The following PIK3C2G variants were observed in gnomAD, a reference collection of about 807,000 sequenced individuals.
The protein encoded by PIK3C2G is phosphatidylinositol 3-kinase C2 domain-containing subunit gamma.
In PIK3C2G, 168 loss-of-function variants were observed where a neutral mutation model predicts 181.1. The ratio of observed to expected loss-of-function variants is 0.93; its 90% CI spans 0.82 to 1.05. The LOEUF (loss-of-function observed/expected upper bound fraction) is 1.05, where lower values mean the gene tolerates loss of function less well. Among genes scored for constraint, PIK3C2G ranks in the 50% least tolerant of loss-of-function variants. The pLI is 0.00. For missense variants in PIK3C2G, 1,869 were observed against 1,732.8 expected, an observed-to-expected ratio of 1.08 and a Z score of -1.40; for synonymous variants, 573 against 592.2, an observed-to-expected ratio of 0.97 and a Z score of 0.47.
chr12:18,715,223 G>C, the PIK3C2G span, among the ~76,000 whole-genome samples: 3 of 114,328 alleles, frequency 2.6e-5, no homozygotes, highest in Non-Finnish European at 5.2e-5. Flanking sequence ...GAGAGAGAGA[G>C]ACCTTATATA....
At chr12:18,316,713 G>A (rs189540798) in intron 6 of PIK3C2G, among the ~76,000 whole-genome samples, 232 of 152,114 alleles carry the variant, frequency 1.5e-3, no homozygotes, top group African/African-American at 5.4e-3. Flanking sequence ...CTGGGTGACA[G>A]AGCGAGACTC....
At chr12:18,716,049 G>A in the PIK3C2G span, among the ~76,000 whole-genome samples, 1 of 151,954 alleles carries the variant, frequency 6.6e-6, no homozygotes, top group Non-Finnish European at 1.5e-5. Flanking sequence ...CTTGGCTTAC[G>A]GATTTATTTA....
At chr12:18,329,975 G>T (rs905228064) in intron 8 of PIK3C2G, among the ~76,000 whole-genome samples, 1 of 151,782 alleles carries the variant, frequency 6.6e-6, no homozygotes, top group Non-Finnish European at 1.5e-5. Context: ...CTATTCAATT[G>T]CCCTCTTTCA....
chr12:18,702,564 C>G, the PIK3C2G span, among the ~76,000 whole-genome samples: 5,457 of 152,198 alleles, frequency 0.036, 136 homozygotes, highest in East Asian at 0.083. Context: ...TCAAATTATT[C>G]CATCATCTTG....
At chr12:18,506,337 G>A (rs1941836033) in intron 24 of PIK3C2G, among the ~76,000 whole-genome samples, 1 of 152,140 alleles carries the variant, frequency 6.6e-6, no homozygotes, top group African/African-American at 2.4e-5. Context: ...GGCATATAGA[G>A]TGTGGCTTTT....
chr12:18,620,088 T>G (rs1446330953), intron 31 of PIK3C2G, among the ~76,000 whole-genome samples: 3 of 152,130 alleles, frequency 2.0e-5, no homozygotes, highest in Non-Finnish European at 4.4e-5. Context: ...TTGGTAAATA[T>G]CCCATGTCCA....
At chr12:18,687,435 G>A in the PIK3C2G span, among the ~76,000 whole-genome samples, 2 of 152,092 alleles carry the variant, frequency 1.3e-5, no homozygotes, top group East Asian at 1.9e-4. Context: ...ATCCTGACCA[G>A]GGATCAATCC....
At chr12:18,394,496 A>C (rs2138076152) in intron 15 of PIK3C2G, among the ~76,000 whole-genome samples, 1 of 152,202 alleles carries the variant, frequency 6.6e-6, no homozygotes, top group Middle Eastern at 3.4e-3. Flanking sequence ...GGTTAATAGA[A>C]ACAGATCCAA....
At chr12:18,312,681 A>G (rs1476135746) in intron 5 of PIK3C2G, among the ~76,000 whole-genome samples, 2 of 152,092 alleles carry the variant, frequency 1.3e-5, no homozygotes, top group African/African-American at 4.8e-5. Flanking sequence ...TAAGAGCCCT[A>G]TGGATACCCC....
At chr12:18,286,725 A>T (rs1949460729) in intron 2 of PIK3C2G, 122 bp from the exon 3 acceptor site, 3 of 581,246 alleles carry the variant, frequency 5.2e-6, no homozygotes, top group Non-Finnish European at 8.9e-6. Context: ...TTCAATTTTT[A>T]AAAAATCTAA....
intron 14 of PIK3C2G, among the ~76,000 whole-genome samples, chr12:18,386,899 A>T (rs564493048): frequency 2.9e-4 from 44 of 152,230 alleles, no homozygotes; most frequent in East Asian, 7.7e-4. Flanking sequence ...GTGTAAGTGC[A>T]CTTCTGAGTC....
At chr12:18,570,346 T>C (rs1945864935) in intron 29 of PIK3C2G, among the ~76,000 whole-genome samples, 1 of 141,550 alleles carries the variant, frequency 7.1e-6, no homozygotes, top group Non-Finnish European at 1.5e-5. Flanking sequence ...GTAGCTGGGA[T>C]TACAGGCGCC....
At chr12:18,552,450 G>A (rs1031326055) in intron 26 of PIK3C2G, among the ~76,000 whole-genome samples, 4 of 151,850 alleles carry the variant, frequency 2.6e-5, no homozygotes, top group African/African-American at 9.7e-5. Context: ...CCACAAATAA[G>A]AGCCAATGTT....
Position 18,630,539 on chromosome 12 carries a change from G to A in PIK3C2G, c.4183-9890G>A, listed in dbSNP as rs138532726. ...GGTCTAGGATGGGGTTAGGGTAGTA[G>A]GGTAGTGAATAACCAATGGAGCAAA... On this transcript the variant is annotated intron_variant, in intron 31 of 32. Coordinates refer to ENST00000538779, the MANE Select transcript of PIK3C2G (RefSeq NM_001288772.2). 6.7e-3 allele frequency among the ~76,000 whole-genome samples: 1,013 copies of A among 152,020 alleles called. 9 individuals are homozygous for A. The highest frequency in any genetic ancestry group is 0.023 in the African/African-American group (968 of 41,304).
chr12:18,352,970 T>G (rs1019403376), intron 11 of PIK3C2G, among the ~76,000 whole-genome samples: 1 of 152,162 alleles, frequency 6.6e-6, no homozygotes, highest in Non-Finnish European at 1.5e-5. Context: ...TTTCTGGGTA[T>G]AGGATGGTGG....
At chr12:18,449,222 G>A (rs559399944) in intron 18 of PIK3C2G, among the ~76,000 whole-genome samples, 1 of 152,096 alleles carries the variant, frequency 6.6e-6, no homozygotes, top group South Asian at 2.1e-4. Context: ...TTTCATGCCA[G>A]TACCATACTG....
At chr12:18,618,575 G>T (rs769308937) in intron 31 of PIK3C2G, among the ~76,000 whole-genome samples, 6 of 152,108 alleles carry the variant, frequency 3.9e-5, no homozygotes, top group Middle Eastern at 3.4e-3. Flanking sequence ...AACTCAAATT[G>T]CTTATATAAT....
At chr12:18,450,167 C>T (rs1474002986) in intron 18 of PIK3C2G, among the ~76,000 whole-genome samples, 2 of 152,060 alleles carry the variant, frequency 1.3e-5, no homozygotes, top group Non-Finnish European at 2.9e-5. Context: ...GCTATTATTG[C>T]CCGGACTGCA....
chr12:18,619,400 A>G (rs934144506), intron 31 of PIK3C2G, among the ~76,000 whole-genome samples: 8 of 152,126 alleles, frequency 5.3e-5, no homozygotes, highest in African/African-American at 1.9e-4. Context: ...AAACTCTACA[A>G]ACAAACAAAA....
Sources: gnomAD v4.1 joint callset for allele counts (sites outside exome capture counted in the v4.1 genomes callset) on GRCh38, gnomAD v4.1.1 for gene constraint, MANE v1.5 for transcripts, NCBI Gene and HGNC (gene_info 2026-07-23, HGNC 2026-07-21) for gene names.